SLC35D4: variants seen among roughly 807,000 people sequenced by gnomAD.
SLC35D4 encodes the protein UDP-N-acetylglucosamine transporter SLC35D4.
the SLC35D4 span, among the ~76,000 whole-genome samples, chr18:23,426,163 G>A: frequency 6.6e-6 from 1 of 151,932 alleles, no homozygotes; most frequent in African/African-American, 2.4e-5. Context: ...TTTTATGATG[G>A]AGAAGAAAAA....
At chr18:23,240,790 C>G in the SLC35D4 span, among the ~76,000 whole-genome samples, 9 of 152,292 alleles carry the variant, frequency 5.9e-5, no homozygotes, top group Non-Finnish European at 1.3e-4. Flanking sequence ...CTGTCCTCCC[C>G]TGTTTTGGGA....
At chr18:23,434,720 G>A in the SLC35D4 span, among the ~76,000 whole-genome samples, 1 of 152,018 alleles carries the variant, frequency 6.6e-6, no homozygotes. Context: ...CTTGAGCCTA[G>A]GAGGCAGAGG....
the SLC35D4 span, chr18:23,257,444 A>T: frequency 6.9e-7 from 1 of 1,452,170 alleles, no homozygotes; most frequent in Non-Finnish European, 9.2e-7. Context: ...TGGAAATGAA[A>T]AAAAGTAGAA....
At chr18:23,350,629 C>T in the SLC35D4 span, among the ~76,000 whole-genome samples, 3 of 152,152 alleles carry the variant, frequency 2.0e-5, no homozygotes, top group Admixed American at 2.0e-4. Flanking sequence ...ATTAAGTCCC[C>T]CACTAGACCA....
chr18:23,427,472 C>G, the SLC35D4 span, among the ~76,000 whole-genome samples: 1 of 151,988 alleles, frequency 6.6e-6, no homozygotes, highest in Non-Finnish European at 1.5e-5. Context: ...CAATGAGATA[C>G]CATCTCACAC....
the SLC35D4 span, among the ~76,000 whole-genome samples, chr18:23,308,876 C>CTCTCTCTGTG: frequency 1.2e-3 from 166 of 140,086 alleles, no homozygotes; most frequent in Non-Finnish European, 1.7e-3. Flanking sequence ...CTCTCTCTCT[C>CTCTCTCTGTG]TGTGTGTGTG....
At chr18:23,358,337 G>C in the SLC35D4 span, among the ~76,000 whole-genome samples, 11 of 152,270 alleles carry the variant, frequency 7.2e-5, no homozygotes, top group Admixed American at 2.6e-4. Context: ...GCTCCAGCAG[G>C]GTGAACGGGA....
At chr18:23,428,620 C>T in the SLC35D4 span, among the ~76,000 whole-genome samples, 1 of 152,166 alleles carries the variant, frequency 6.6e-6, no homozygotes, top group East Asian at 1.9e-4. Flanking sequence ...TAGGGTCCAA[C>T]AATCCTCCTG....
chr18:23,384,804 C>T, the SLC35D4 span, among the ~76,000 whole-genome samples: 3 of 152,270 alleles, frequency 2.0e-5, no homozygotes, highest in South Asian at 6.2e-4. Context: ...AATATTCCCA[C>T]ATATGTCTGG....
the SLC35D4 span, among the ~76,000 whole-genome samples, chr18:23,416,085 C>T: frequency 1.3e-5 from 2 of 152,244 alleles, no homozygotes; most frequent in Admixed American, 6.5e-5. Flanking sequence ...GTGGTAGGTG[C>T]CTGTAATCTC....
the SLC35D4 span, among the ~76,000 whole-genome samples, chr18:23,301,273 G>C: frequency 6.6e-6 from 1 of 152,148 alleles, no homozygotes; most frequent in African/African-American, 2.4e-5. Context: ...TATTGAGAAG[G>C]CCCTTCTTAC....
At chr18:23,338,593 C>G in the SLC35D4 span, among the ~76,000 whole-genome samples, 1 of 152,128 alleles carries the variant, frequency 6.6e-6, no homozygotes, top group Non-Finnish European at 1.5e-5. Flanking sequence ...TGGTCTAGGT[C>G]TGTATGACTC....
the SLC35D4 span, among the ~76,000 whole-genome samples, chr18:23,267,513 C>A: frequency 6.6e-6 from 1 of 152,020 alleles, no homozygotes; most frequent in Non-Finnish European, 1.5e-5. Context: ...TTGCTTTCCT[C>A]CCCCCAGGAC....
chr18:23,359,672 C>T, the SLC35D4 span, among the ~76,000 whole-genome samples: 79 of 152,140 alleles, frequency 5.2e-4, no homozygotes, highest in Non-Finnish European at 9.6e-4. Flanking sequence ...AGGTCGGTTC[C>T]AAGCAGTAAT....
chr18:23,302,940 G>A, the SLC35D4 span, among the ~76,000 whole-genome samples: 3 of 152,220 alleles, frequency 2.0e-5, no homozygotes, highest in South Asian at 2.1e-4. Context: ...GAAATCACCC[G>A]ATTTCAAAAT....
At chr18:23,354,485 A>C in the SLC35D4 span, among the ~76,000 whole-genome samples, 1 of 147,900 alleles carries the variant, frequency 6.8e-6, no homozygotes, top group Non-Finnish European at 1.5e-5. Context: ...GCACCACTGC[A>C]CTCTAACCTG....
the SLC35D4 span, among the ~76,000 whole-genome samples, chr18:23,411,150 AGGAAGGAG>A: frequency 0.015 from 2,093 of 141,026 alleles, 70 homozygotes; most frequent in African/African-American, 0.052. Context: ...GAAGGAAGGA[AGGAAGGAG>A]GGAAGGAGGG....
chr18:23,373,475 G>A, the SLC35D4 span, among the ~76,000 whole-genome samples: 11 of 152,310 alleles, frequency 7.2e-5, no homozygotes, highest in South Asian at 2.1e-3. Context: ...AGCCACCACA[G>A]TGCCCAGGGA....
the SLC35D4 span, among the ~76,000 whole-genome samples, chr18:23,382,867 G>A: frequency 3.3e-5 from 5 of 152,226 alleles, no homozygotes; most frequent in African/African-American, 1.2e-4. Context: ...TAAGGGCTCA[G>A]GGGATCGAGC....
Sources: gnomAD v4.1 joint callset for allele counts (sites outside exome capture counted in the v4.1 genomes callset) on GRCh38, gnomAD v4.1.1 for gene constraint, MANE v1.5 for transcripts, NCBI Gene and HGNC (gene_info 2026-07-23, HGNC 2026-07-21) for gene names.